SHC3: variants seen among roughly 807,000 people sequenced by gnomAD.
The protein encoded by SHC3 is SHC adaptor protein 3.
In SHC3, 15 loss-of-function variants were observed where a neutral mutation model predicts 60.4. The ratio of observed to expected loss-of-function variants is 0.25; its 90% CI spans 0.17 to 0.38. The LOEUF (loss-of-function observed/expected upper bound fraction) is 0.38, where lower values mean the gene tolerates loss of function less well. SHC3 is among the 10% of genes least tolerant of loss of function. SHC3 has a pLI of 1.00. For synonymous variants in SHC3, 294 were observed against 325.9 expected (o/e 0.90, Z 1.05); for missense variants, 677 against 786.1 (o/e 0.86, Z 1.66).
intron 2 of SHC3, among the ~76,000 whole-genome samples, chr9:89,102,492 T>C (rs1825797326): frequency 6.6e-6 from 1 of 152,220 alleles, no homozygotes; most frequent in Non-Finnish European, 1.5e-5. Context: ...TATGCAAGTG[T>C]TATAATGATA....
intron 7 of SHC3, among the ~76,000 whole-genome samples, chr9:89,047,294 C>T (rs1218675831): frequency 6.6e-6 from 1 of 152,194 alleles, no homozygotes; most frequent in Non-Finnish European, 1.5e-5. Context: ...AGGGACAGCA[C>T]ACATTTTTGT....
chr9:89,177,843 G>T, intron 1 of SHC3, 144 bp downstream of exon 1: 1 of 1,080,672 alleles, frequency 9.3e-7, no homozygotes, highest in Non-Finnish European at 1.1e-6. Flanking sequence ...CAAGCGAGCT[G>T]ATTGCTAAGG....
chr9:89,090,295 A>G (rs1408895641), intron 2 of SHC3, among the ~76,000 whole-genome samples: 1 of 152,242 alleles, frequency 6.6e-6, no homozygotes, highest in East Asian at 1.9e-4. Context: ...GACTAGATGC[A>G]TGCAGTGGAG....
chr9:89,055,287 T>C (rs1824930414), intron 6 of SHC3, among the ~76,000 whole-genome samples: 1 of 152,246 alleles, frequency 6.6e-6, no homozygotes, highest in African/African-American at 2.4e-5. Context: ...GCTCCCGGCT[T>C]GGCGCTCAGG....
chr9:89,116,746 T>C (rs943856925), intron 1 of SHC3, among the ~76,000 whole-genome samples: 5 of 152,142 alleles, frequency 3.3e-5, no homozygotes, highest in African/African-American at 1.2e-4. Context: ...CCTCCATCAA[T>C]GTCACAAGGT....
At chr9:89,110,373 T>C in intron 2 of SHC3, 1 of 985,060 alleles carries the variant, frequency 1.0e-6, no homozygotes, top group Non-Finnish European at 1.2e-6. Context: ...GCCTGTATAA[T>C]ATAACTTAAT....
intron 2 of SHC3, among the ~76,000 whole-genome samples, chr9:89,107,292 G>A (rs944845426): frequency 2.0e-5 from 3 of 152,214 alleles, no homozygotes; most frequent in Non-Finnish European, 4.4e-5. Context: ...CATGACTGCA[G>A]TAAGTATGTG....
At chr9:89,128,743 T>C (rs1316945850) in intron 1 of SHC3, among the ~76,000 whole-genome samples, 3 of 152,096 alleles carry the variant, frequency 2.0e-5, no homozygotes, top group Non-Finnish European at 2.9e-5. Context: ...GAAAACCCCA[T>C]CTGTACGTCA....
intron 4 of SHC3, among the ~76,000 whole-genome samples, chr9:89,071,492 A>T (rs898869054): frequency 2.0e-5 from 3 of 152,196 alleles, no homozygotes; most frequent in Non-Finnish European, 4.4e-5. Context: ...GTGATGTGGG[A>T]ACTATCGTCA....
chr9:89,160,589 T>G (rs570311934), intron 1 of SHC3, among the ~76,000 whole-genome samples: 10 of 152,204 alleles, frequency 6.6e-5, no homozygotes, highest in African/African-American at 9.6e-5. Flanking sequence ...CCATGTAATT[T>G]TAATTAGAGG....
intron 11 of SHC3, among the ~76,000 whole-genome samples, chr9:89,028,879 C>CTAGA (rs1824421724): frequency 6.8e-6 from 1 of 146,076 alleles, no homozygotes; most frequent in Non-Finnish European, 1.5e-5. Flanking sequence ...AGATATATAT[C>CTAGA]TAGATATAAT....
chr9:89,105,578 T>C (rs1482474563), intron 2 of SHC3, among the ~76,000 whole-genome samples: 2 of 152,236 alleles, frequency 1.3e-5, no homozygotes, highest in Admixed American at 6.5e-5. Context: ...TAACAGAAGG[T>C]AAGCACTTAC....
intron 4 of SHC3, among the ~76,000 whole-genome samples, chr9:89,074,057 T>C (rs946141410): frequency 3.3e-5 from 5 of 152,220 alleles, no homozygotes; most frequent in Non-Finnish European, 7.3e-5. Flanking sequence ...TGGTATCTAG[T>C]TATGTTAACA....
At chr9:89,146,264 G>A (rs1398269982) in intron 1 of SHC3, among the ~76,000 whole-genome samples, 102 of 152,124 alleles carry the variant, frequency 6.7e-4, no homozygotes, top group Non-Finnish European at 1.9e-4. Flanking sequence ...GGCTGAGGCA[G>A]GAGACTCTCT....
intron 11 of SHC3, among the ~76,000 whole-genome samples, chr9:89,027,413 G>C (rs928528697): frequency 2.0e-5 from 3 of 149,986 alleles, no homozygotes; most frequent in East Asian, 3.9e-4. Context: ...TGTGCCCCCC[G>C]GGTTCACGCC....
intron 4 of SHC3, among the ~76,000 whole-genome samples, chr9:89,072,514 C>A (rs1825290731): frequency 1.3e-5 from 2 of 151,988 alleles, no homozygotes; most frequent in Non-Finnish European, 2.9e-5. Context: ...TGTAATTTAT[C>A]AATGTAAAAT....
chr9:89,094,117 AAAAG>A (rs949244792), intron 2 of SHC3, among the ~76,000 whole-genome samples: 19 of 151,710 alleles, frequency 1.3e-4, no homozygotes, highest in Non-Finnish European at 2.5e-4. Context: ...AAAAAAAAAA[AAAAG>A]AAAAGAAAAG....
At chr9:89,109,609 G>A (rs1361856920) in intron 2 of SHC3, 2 of 985,516 alleles carry the variant, frequency 2.0e-6, no homozygotes, top group Non-Finnish European at 2.4e-6. Flanking sequence ...TTGCGAAGCT[G>A]TGCTGAGATC....
intron 1 of SHC3, among the ~76,000 whole-genome samples, chr9:89,128,599 C>G (rs1826197295): frequency 6.6e-6 from 1 of 152,198 alleles, no homozygotes. Context: ...GCAATATTTG[C>G]TGTTCTTCAG....
Sources: gnomAD v4.1 joint callset for allele counts (sites outside exome capture counted in the v4.1 genomes callset) on GRCh38, gnomAD v4.1.1 for gene constraint, MANE v1.5 for transcripts, NCBI Gene and HGNC (gene_info 2026-07-23, HGNC 2026-07-21) for gene names.